The following TEAD1 variants were observed in gnomAD, a reference collection of about 807,000 sequenced individuals.
TEAD1 encodes the protein TEA domain transcription factor 1, also known as transcriptional enhancer factor TEF-1.
A neutral mutation model predicts 54.9 loss-of-function variants in TEAD1; 9 were observed. The observed-to-expected ratio is 0.16, with a 90% CI of 0.10 to 0.29. TEAD1 has a LOEUF of 0.29. Ranked by LOEUF, TEAD1 falls within the 10% of genes least tolerant of loss-of-function variation. The pLI, the probability that TEAD1 is intolerant of heterozygous loss-of-function variation, is 1.00. For missense variants in TEAD1, 387 were observed against 535.9 expected (o/e 0.72, Z 2.74); for synonymous variants, 200 against 187.8 (o/e 1.07, Z -0.53).
At chr11:12,783,135 C>T (rs868048316) in intron 3 of TEAD1, among the ~76,000 whole-genome samples, 2,924 of 104,670 alleles carry the variant, frequency 0.028, 79 homozygotes, top group African/African-American at 0.11. Flanking sequence ...TGTGTGTGTG[C>T]GCGCACTTTC....
Position 12,874,984 on chromosome 11 carries a change from ATTC to A in TEAD1, c.331-4721_331-4719del, listed in dbSNP as rs1947826424. ...CATTTTTCTAGGATGCAATTTTCTTATTCTTGCTCATATGCACACGCACGCACA... is the reference window on the plus strand; with the variant it reads ...CATTTTTCTAGGATGCAATTTTCTTATTGCTCATATGCACACGCACGCACA... On this transcript the variant is annotated intron_variant, in intron 5 of 12. Coordinates refer to ENST00000527636, the MANE Select transcript of TEAD1 (RefSeq NM_021961.6). Among the ~76,000 whole-genome samples the A allele has an allele frequency of 2.0e-5, 3 of 152,178 alleles. No homozygotes were observed. The South Asian group carries it at 6.2e-4, about 32-fold the overall frequency.
chr11:12,730,809 T>A (rs1944411441), intron 2 of TEAD1, among the ~76,000 whole-genome samples: 1 of 150,008 alleles, frequency 6.7e-6, no homozygotes, highest in Non-Finnish European at 1.5e-5. Flanking sequence ...CAAGTGATTC[T>A]CATGCCTCAG....
intron 3 of TEAD1, among the ~76,000 whole-genome samples, chr11:12,792,940 G>T (rs1366913912): frequency 6.6e-6 from 1 of 152,124 alleles, no homozygotes; most frequent in African/African-American, 2.4e-5. Context: ...ACTGTAGTCA[G>T]CTACTCAGAG....
intron 3 of TEAD1, among the ~76,000 whole-genome samples, chr11:12,781,383 G>A (rs918973997): frequency 3.3e-5 from 5 of 151,894 alleles, no homozygotes; most frequent in African/African-American, 1.2e-4. Context: ...AAATGAAAAG[G>A]CAATCCAGAG....
intron 3 of TEAD1, among the ~76,000 whole-genome samples, chr11:12,814,777 C>CTGTGTGTGTGTGTGTGTG (rs397842274): frequency 1.9e-5 from 2 of 106,134 alleles, no homozygotes; most frequent in African/African-American, 6.8e-5. Context: ...TCGCAGAGCT[C>CTGTGTGTGTGTGTGTGTG]TGTGTGTGTG....
At chr11:12,752,221 T>TTG (rs1944888696) in intron 2 of TEAD1, among the ~76,000 whole-genome samples, 1 of 151,322 alleles carries the variant, frequency 6.6e-6, no homozygotes, top group Non-Finnish European at 1.5e-5. Context: ...CAGTTTTTTT[T>TTG]TTTTTTTTTT....
chr11:12,857,572 C>CTGTGTGTGTG (rs1292452021), intron 3 of TEAD1, among the ~76,000 whole-genome samples: 3 of 94,444 alleles, frequency 3.2e-5, no homozygotes, highest in African/African-American at 1.1e-4. Context: ...CTCTCTCTCT[C>CTGTGTGTGTG]TGTCTCTGTG....
chr11:12,809,742 G>A (rs1269838785), intron 3 of TEAD1, among the ~76,000 whole-genome samples: 1 of 152,170 alleles, frequency 6.6e-6, no homozygotes, highest in Admixed American at 6.5e-5. Flanking sequence ...CTGGGCCACT[G>A]TTAAGGTCTG....
intron 2 of TEAD1, among the ~76,000 whole-genome samples, chr11:12,698,833 A>C (rs895299888): frequency 1.6e-4 from 25 of 152,230 alleles, no homozygotes; most frequent in Non-Finnish European, 1.3e-4. Context: ...AAGATGCTTC[A>C]GGGAAACTTC....
At chr11:12,773,985 AT>A (rs1945366836) in intron 3 of TEAD1, among the ~76,000 whole-genome samples, 1 of 152,046 alleles carries the variant, frequency 6.6e-6, no homozygotes, top group African/African-American at 2.4e-5. Flanking sequence ...TGATTCTGTG[AT>A]TTTCTTTACA....
rs1197717521 is a variant in TEAD1 at position 12,887,081 on chromosome 11, GT to G, written c.699+3967del. Among the ~76,000 whole-genome samples the G allele has an allele frequency of 5.0e-4, 7 of 14,078 alleles. No individual in the cohort carries two copies. In the East Asian group the frequency reaches 0.015, roughly 29 times the overall value. The allele number at this position is 14,078 out of a possible 152,430, so 9.2% of individuals were successfully genotyped here. On this transcript the variant is annotated intron_variant, in intron 9 of 12. Coordinates refer to ENST00000527636, the MANE Select transcript of TEAD1 (RefSeq NM_021961.6). ...TGCAAATGAATGTGGAAGTTTTTTTGTTTTTTTTTTTGTTTGTTTTTTTTTT... is the reference window on the plus strand; with the variant it reads ...TGCAAATGAATGTGGAAGTTTTTTTGTTTTTTTTTTGTTTGTTTTTTTTTT...
chr11:12,834,375 C>T (rs1447958489), intron 3 of TEAD1, among the ~76,000 whole-genome samples: 1 of 152,226 alleles, frequency 6.6e-6, no homozygotes, highest in African/African-American at 2.4e-5. Context: ...CTTTTAAGGG[C>T]AGTGCAATCT....
intron 6 of TEAD1, among the ~76,000 whole-genome samples, chr11:12,880,420 A>T (rs1400478114): frequency 6.6e-6 from 1 of 152,216 alleles, no homozygotes; most frequent in East Asian, 1.9e-4. Flanking sequence ...AGCTGGGATC[A>T]TAGTGGAATG....
chr11:12,714,870 A>G (rs1944021761), intron 2 of TEAD1, among the ~76,000 whole-genome samples: 1 of 152,138 alleles, frequency 6.6e-6, no homozygotes, highest in Non-Finnish European at 1.5e-5. Context: ...TAAGGACACC[A>G]GTCACACTCG....
intron 2 of TEAD1, among the ~76,000 whole-genome samples, chr11:12,762,900 C>T (rs1033843193): frequency 6.6e-6 from 1 of 152,132 alleles, no homozygotes; most frequent in Non-Finnish European, 1.5e-5. Flanking sequence ...CCAGCACCTG[C>T]TTCCCTCCTG....
In TEAD1 at chr11:12,943,602, A is replaced by T. The variant is rs1049374113; in HGVS notation, c.*6380A>T. The stretch of plus-strand genomic sequence containing the variant: ...ATGGCATTTATGTTTCCTCTCGTTT[A>T]TCATGAAATGGGGTCAGATTCCATC... On this transcript the variant is annotated 3_prime_UTR_variant, in exon 13 of 13. Coordinates refer to ENST00000527636, the MANE Select transcript of TEAD1 (RefSeq NM_021961.6). 4.6e-5 allele frequency: 7 copies of T among 152,184 alleles called. No individual in the cohort carries two copies. The highest frequency in any genetic ancestry group is 1.7e-4 in the African/African-American group (7 of 41,448). 9.4% of individuals were successfully genotyped at this position (152,184 alleles called of 1,614,324 possible). A position where few individuals can be genotyped will look rare whatever the true frequency, so the allele number is the denominator to read the frequency against.
At chr11:12,921,833 G>C (rs1326716889) in intron 10 of TEAD1, among the ~76,000 whole-genome samples, 2 of 152,154 alleles carry the variant, frequency 1.3e-5, no homozygotes, top group African/African-American at 4.8e-5. Flanking sequence ...TTCAGATGCT[G>C]ATCTCATTTA....
At position 12,939,520 on chromosome 11, in the gene TEAD1, A is replaced by G. The variant is rs1949140591; in HGVS notation, c.*2298A>G. On this transcript the variant is annotated 3_prime_UTR_variant, in exon 13 of 13. Coordinates refer to ENST00000527636, the MANE Select transcript of TEAD1 (RefSeq NM_021961.6). The stretch of plus-strand genomic sequence containing the variant: ...TCTTGGGATTTCCTTTCCAAAGCAC[A>G]AAAATACTGGGACCCAAGAAGAACA... The G allele has an allele frequency of 6.6e-6, 1 of 152,298 alleles. No homozygotes were observed. Among genetic ancestry groups the G allele is most frequent in the African/African-American group, 2.4e-5 (1 of 41,450 alleles). The allele number at this position is 152,298 out of a possible 1,614,324, so 9.4% of individuals were successfully genotyped here. A position where few individuals can be genotyped will look rare whatever the true frequency, so the allele number is the denominator to read the frequency against.
At chr11:12,763,585 C>T (rs954268212) in intron 2 of TEAD1, among the ~76,000 whole-genome samples, 2 of 152,228 alleles carry the variant, frequency 1.3e-5, no homozygotes, top group Non-Finnish European at 2.9e-5. Context: ...CTCCTTCCCT[C>T]CTTGATCCTG....
Sources: gnomAD v4.1 joint callset for allele counts (sites outside exome capture counted in the v4.1 genomes callset) on GRCh38, gnomAD v4.1.1 for gene constraint, MANE v1.5 for transcripts, NCBI Gene and HGNC (gene_info 2026-07-23, HGNC 2026-07-21) for gene names.